Variants in PI4K2B observed in about 807,000 individuals in gnomAD.
PI4K2B encodes phosphatidylinositol 4-kinase type 2 beta, also known as phosphatidylinositol 4-kinase type 2-beta.
PI4K2B carries 46 observed loss-of-function variants against 56.6 expected under a neutral mutation model. That is an observed-to-expected ratio of 0.81 (90% confidence interval 0.64 to 1.04). The LOEUF (loss-of-function observed/expected upper bound fraction) is 1.04, where lower values mean the gene tolerates loss of function less well. Ranked by LOEUF, PI4K2B falls within the 50% of genes least tolerant of loss-of-function variation. PI4K2B has a pLI of 0.00. For synonymous variants in PI4K2B, 211 were observed against 223.8 expected (o/e 0.94, Z 0.51); for missense variants, 556 against 607.7 (o/e 0.91, Z 0.89).
At chr4:25,265,794 A>G (rs985855180) in intron 7 of PI4K2B, among the ~76,000 whole-genome samples, 1 of 152,140 alleles carries the variant, frequency 6.6e-6, no homozygotes, top group African/African-American at 2.4e-5. Context: ...TATATGGCCT[A>G]TTTAGAGGAT....
At chr4:25,255,328 T>C in intron 3 of PI4K2B, 63 bp downstream of exon 3, 1 of 1,377,756 alleles carries the variant, frequency 7.3e-7, no homozygotes, top group Non-Finnish European at 1.0e-6. Context: ...ATCTGAATAT[T>C]TCAGTAATTA....
chr4:25,273,663 T>C (rs549725312), intron 9 of PI4K2B, among the ~76,000 whole-genome samples: 1 of 152,242 alleles, frequency 6.6e-6, no homozygotes, highest in Non-Finnish European at 1.5e-5. Flanking sequence ...GGGGCCCTTA[T>C]CATCTCTCCT....
intron 1 of PI4K2B, among the ~76,000 whole-genome samples, chr4:25,246,242 G>A (rs889171734): frequency 5.3e-5 from 8 of 152,144 alleles, no homozygotes; most frequent in Middle Eastern, 3.4e-3. Context: ...CTGCTGGTTC[G>A]GGCAGCCTGC....
intron 1 of PI4K2B, among the ~76,000 whole-genome samples, chr4:25,251,568 T>G (rs1346458853): frequency 6.6e-6 from 1 of 151,934 alleles, no homozygotes; most frequent in Non-Finnish European, 1.5e-5. Context: ...CCTTTGTAGG[T>G]TCTAGTAGGG....
intron 9 of PI4K2B, among the ~76,000 whole-genome samples, chr4:25,273,142 T>A (rs1577700470): frequency 2.1e-5 from 3 of 143,652 alleles, no homozygotes; most frequent in Admixed American, 7.0e-5. Context: ...TTTTTTTTTT[T>A]AATTCAGAGC....
In PI4K2B at chr4:25,268,559, C is replaced by G. The variant is rs1698028723; in HGVS notation, c.1195C>G (p.Leu399Val). 6.4e-7 allele frequency: 1 copy of G among 1,571,076 alleles called. No individual in the cohort carries two copies. Among genetic ancestry groups the G allele is most frequent in the African/African-American group, 1.4e-5 (1 of 72,986 alleles). Residue 399 changes from leucine (L) to valine (V), a missense_variant, in exon 8 of 10, where the codon CTC (leucine) becomes GTC (valine). By Grantham distance (32) the Leu-to-Val change is conservative. Transcript: ENST00000264864. ...MNFVQDLCED[L>V]YELFKTDKGF... ...CTTTGTGCAAGATTTATGTGAAGAT[C>G]TCTATGAACTTTTTAAGGTAAGTTA...
At chr4:25,253,044 C>G (rs1218416384) in intron 2 of PI4K2B, among the ~76,000 whole-genome samples, 1 of 152,168 alleles carries the variant, frequency 6.6e-6, no homozygotes, top group Non-Finnish European at 1.5e-5. Flanking sequence ...CAGCTGTAGC[C>G]TTTTTGAGTA....
intron 9 of PI4K2B, among the ~76,000 whole-genome samples, chr4:25,269,642 A>C (rs928685615): frequency 1.1e-4 from 16 of 151,252 alleles, no homozygotes; most frequent in Admixed American, 7.2e-4. Flanking sequence ...TCCATCTCAA[A>C]AAAAAAAAAA....
intron 1 of PI4K2B, among the ~76,000 whole-genome samples, chr4:25,242,944 G>C (rs554264312): frequency 2.0e-5 from 3 of 152,262 alleles, no homozygotes; most frequent in South Asian, 4.1e-4. Context: ...CCCTAATAAG[G>C]GTGTGGGACT....
Position 25,277,112 on chromosome 4 carries a change from G to T in PI4K2B, c.1371G>T (p.Gln457His). ...TGGAACGCAGTCAAGGTGGAAGTCAGGGTCGGATTGTCCACCTGAGCAATT... is the reference window on the plus strand; with the variant it reads ...TGGAACGCAGTCAAGGTGGAAGTCATGGTCGGATTGTCCACCTGAGCAATT... ...VIVERSQGGSQGRIVHLSNSF... is the reference protein window; with the variant it reads ...VIVERSQGGSHGRIVHLSNSF... Residue 457 changes from glutamine (Q) to histidine (H), a missense_variant, in exon 10 of 10, where the codon CAG (glutamine) becomes CAT (histidine). By Grantham distance (24) the Gln-to-His change is conservative. Coordinates refer to ENST00000264864, the MANE Select transcript of PI4K2B (RefSeq NM_018323.4). 6.2e-7 allele frequency: 1 copy of T among 1,614,020 alleles called. No individual in the cohort carries two copies.
chr4:25,276,593 C>T (rs1717104227), intron 9 of PI4K2B: 2 of 923,978 alleles, frequency 2.2e-6, no homozygotes, highest in East Asian at 1.2e-4. Flanking sequence ...AGTAGGCATA[C>T]AATAAATTTG....
chr4:25,259,275 T>C, intron 5 of PI4K2B, 85 bp downstream of exon 5: 1 of 965,396 alleles, frequency 1.0e-6, no homozygotes, highest in Non-Finnish European at 1.6e-6. Context: ...CGGTAAACTT[T>C]TGTTGCAGAA....
At chr4:25,241,364 C>T (rs1345349254) in intron 1 of PI4K2B, among the ~76,000 whole-genome samples, 17 of 152,192 alleles carry the variant, frequency 1.1e-4, no homozygotes, top group African/African-American at 3.1e-4. Flanking sequence ...GAACTTCCAT[C>T]GGTATATAGG....
intron 7 of PI4K2B, 140 bp from the exon 8 acceptor site, chr4:25,268,303 T>G: frequency 1.6e-6 from 1 of 624,962 alleles, no homozygotes; most frequent in Non-Finnish European, 2.7e-6. Context: ...TGGATTGCAG[T>G]GGGTAGTTGT....
In PI4K2B at chr4:25,259,175, A is replaced by G. The variant is rs765925650; in HGVS notation, c.895A>G (p.Ile299Val). 1.5e-5 allele frequency: 23 copies of G among 1,560,616 alleles called. No individual in the cohort carries two copies. The South Asian group carries it at 2.3e-4, about 15-fold the overall frequency. The change falls in exon 5 of 10, where the codon ATC becomes GTC. Residue 299 changes from isoleucine to valine, a missense_variant. Physicochemically the swap from Ile to Val is conservative, Grantham distance 29. Coordinates refer to ENST00000264864, the MANE Select transcript of PI4K2B (RefSeq NM_018323.4). ...TGAAAGATTAGTTATTTTGGATTACATCATCAGAAATACAGGTATTGAAGT... is the reference window on the plus strand; with the variant it reads ...TGAAAGATTAGTTATTTTGGATTACGTCATCAGAAATACAGGTATTGAAGT... ...QFERLVILDYIIRNTDRGNDN... is the reference protein window; with the variant it reads ...QFERLVILDYVIRNTDRGNDN...
chr4:25,266,016 T>C (rs1473453743), intron 7 of PI4K2B, among the ~76,000 whole-genome samples: 1 of 151,942 alleles, frequency 6.6e-6, no homozygotes, highest in Admixed American at 6.6e-5. Flanking sequence ...TGGTTTATCT[T>C]CCTGGTGGCT....
chr4:25,238,889 C>T (rs538053931), intron 1 of PI4K2B, among the ~76,000 whole-genome samples: 1 of 152,164 alleles, frequency 6.6e-6, no homozygotes, highest in African/African-American at 2.4e-5. Flanking sequence ...CCTTATCTGG[C>T]CCCACCCACA....
At chr4:25,244,737 C>A (rs1490870924) in intron 1 of PI4K2B, among the ~76,000 whole-genome samples, 1 of 152,180 alleles carries the variant, frequency 6.6e-6, no homozygotes, top group Non-Finnish European at 1.5e-5. Context: ...GAACCCGCAA[C>A]GGTCCCTGGA....
At chr4:25,241,593 T>G (rs949606571) in intron 1 of PI4K2B, among the ~76,000 whole-genome samples, 2 of 152,206 alleles carry the variant, frequency 1.3e-5, no homozygotes, top group African/African-American at 4.8e-5. Context: ...ATAAACTTCC[T>G]TTGGCACCTA....
Sources: allele counts gnomAD v4.1 joint callset (sites outside exome capture counted in the v4.1 genomes callset), GRCh38; gene constraint gnomAD v4.1.1; transcripts MANE v1.5; gene names NCBI Gene and HGNC (gene_info 2026-07-23, HGNC 2026-07-21).